CCDC192: variants seen among roughly 807,000 people sequenced by gnomAD.
CCDC192 encodes coiled-coil domain containing 192, also known as coiled-coil domain-containing protein 192.
chr5:127,777,650 G>T (rs1040383554), intron 3 of CCDC192, among the ~76,000 whole-genome samples: 1 of 152,152 alleles, frequency 6.6e-6, no homozygotes, highest in Non-Finnish European at 1.5e-5. Flanking sequence ...TGTAACTCCT[G>T]TAAGTCCCAC....
intron 5 of CCDC192, among the ~76,000 whole-genome samples, chr5:127,831,867 AAATTT>A (rs1246444912): frequency 2.0e-5 from 3 of 152,126 alleles, no homozygotes; most frequent in Non-Finnish European, 4.4e-5. Context: ...TTGTGAAATA[AAATTT>A]AATTTGATAC....
chr5:127,716,558 C>G (rs1751632341), intron 2 of CCDC192, among the ~76,000 whole-genome samples: 1 of 152,096 alleles, frequency 6.6e-6, no homozygotes, highest in Non-Finnish European at 1.5e-5. Flanking sequence ...CTGATTCAAT[C>G]TTCTTATTTG....
chr5:127,930,030 C>A (rs1373751681), intron 6 of CCDC192, among the ~76,000 whole-genome samples: 2 of 152,140 alleles, frequency 1.3e-5, no homozygotes, highest in African/African-American at 4.8e-5. Flanking sequence ...ATGATAAAAT[C>A]CCATCTCTAC....
intron 2 of CCDC192, among the ~76,000 whole-genome samples, chr5:127,749,907 G>T (rs1397927206): frequency 2.0e-5 from 3 of 152,136 alleles, no homozygotes; most frequent in Non-Finnish European, 4.4e-5. Context: ...GCGTAGAGGT[G>T]TTTATAGTAT....
chr5:127,833,505 A>T (rs1275378835), intron 5 of CCDC192, among the ~76,000 whole-genome samples: 1 of 152,152 alleles, frequency 6.6e-6, no homozygotes, highest in Admixed American at 6.5e-5. Context: ...TATCCTCCTT[A>T]TACTACATGC....
chr5:127,848,816 A>G (rs1471375343), intron 5 of CCDC192, among the ~76,000 whole-genome samples: 1 of 152,252 alleles, frequency 6.6e-6, no homozygotes, highest in Non-Finnish European at 1.5e-5. Context: ...AAAAGGCAGT[A>G]TCCATTATTT....
At chr5:127,720,926 C>T (rs1292032055) in intron 2 of CCDC192, among the ~76,000 whole-genome samples, 1 of 152,234 alleles carries the variant, frequency 6.6e-6, no homozygotes, top group East Asian at 1.9e-4. Flanking sequence ...CTGTACAGAG[C>T]AGCAGGACCT....
chr5:127,702,923 G>A (rs1330564327), upstream of CCDC192, among the ~76,000 whole-genome samples: 1 of 152,236 alleles, frequency 6.6e-6, no homozygotes. Context: ...AATCACTTGT[G>A]CAATCCTGTG....
intron 6 of CCDC192, among the ~76,000 whole-genome samples, chr5:127,907,175 T>A (rs1753220796): frequency 6.6e-6 from 1 of 152,092 alleles, no homozygotes; most frequent in African/African-American, 2.4e-5. Context: ...TTACAAGGAG[T>A]CATATCTGTG....
intron 5 of CCDC192, among the ~76,000 whole-genome samples, chr5:127,841,047 C>T (rs774914049): frequency 5.3e-5 from 8 of 152,094 alleles, no homozygotes; most frequent in Non-Finnish European, 1.0e-4. Flanking sequence ...TAAGATGTGA[C>T]CTGGAAATGG....
intron 5 of CCDC192, among the ~76,000 whole-genome samples, chr5:127,840,745 C>G (rs534711298): frequency 1.2e-4 from 18 of 152,068 alleles, no homozygotes; most frequent in Non-Finnish European, 2.1e-4. Context: ...AAGAGCAAGA[C>G]TAGTGAAAGA....
chr5:127,857,338 C>A (rs551805102), intron 5 of CCDC192, among the ~76,000 whole-genome samples: 1 of 152,278 alleles, frequency 6.6e-6, no homozygotes, highest in East Asian at 1.9e-4. Context: ...CAAACCAGCA[C>A]CAAACCCTGT....
intron 3 of CCDC192, among the ~76,000 whole-genome samples, chr5:127,771,390 A>G (rs909093585): frequency 2.0e-5 from 3 of 152,262 alleles, no homozygotes; most frequent in Non-Finnish European, 4.4e-5. Context: ...ATTACAAAAA[A>G]TGACAACAGT....
chr5:127,936,902 A>C (rs998861920), intron 6 of CCDC192, among the ~76,000 whole-genome samples: 1 of 152,204 alleles, frequency 6.6e-6, no homozygotes, highest in Non-Finnish European at 1.5e-5. Context: ...CTTTGGGGAC[A>C]CACATCACTT....
At chr5:127,879,249 A>G (rs1327232542) in intron 6 of CCDC192, among the ~76,000 whole-genome samples, 1 of 151,498 alleles carries the variant, frequency 6.6e-6, no homozygotes, top group East Asian at 1.9e-4. Context: ...ATATAGATCA[A>G]TGGAACAGAA....
chr5:127,814,024 A>T (rs1758222306), intron 5 of CCDC192, among the ~76,000 whole-genome samples: 2 of 152,194 alleles, frequency 1.3e-5, no homozygotes, highest in South Asian at 4.1e-4. Context: ...CTTCAGGCTT[A>T]GTGGGTGCAG....
At chr5:127,786,545 C>G (rs147291668) in intron 3 of CCDC192, 1 of 653,396 alleles carries the variant, frequency 1.5e-6, no homozygotes, top group African/African-American at 1.8e-5. Context: ...CCTAAATGGT[C>G]TCTCCAAGTC....
intron 6 of CCDC192, among the ~76,000 whole-genome samples, chr5:127,927,514 G>A (rs186684937): frequency 1.4e-4 from 22 of 152,178 alleles, no homozygotes; most frequent in East Asian, 3.9e-4. Flanking sequence ...CTTTGACTGC[G>A]AAGGCAAGAA....
At chr5:127,719,513 A>G (rs1751853373) in intron 2 of CCDC192, among the ~76,000 whole-genome samples, 1 of 118,664 alleles carries the variant, frequency 8.4e-6, no homozygotes, top group Non-Finnish European at 1.6e-5. Flanking sequence ...ATACATATAT[A>G]TATATATATA....
Sources: gnomAD v4.1 joint callset for allele counts (sites outside exome capture counted in the v4.1 genomes callset) on GRCh38, gnomAD v4.1.1 for gene constraint, MANE v1.5 for transcripts, NCBI Gene and HGNC (gene_info 2026-07-23, HGNC 2026-07-21) for gene names.